Variants in LHFPL3 observed in about 807,000 individuals in gnomAD.
LHFPL3 encodes the protein LHFPL tetraspan subfamily member 3, also known as LHFPL tetraspan subfamily member 3 protein.
A neutral mutation model predicts 19.3 loss-of-function variants in LHFPL3; 5 were observed. The ratio of observed to expected loss-of-function variants is 0.26; its 90% CI spans 0.14 to 0.54. The LOEUF is 0.54. LHFPL3 is among the 20% of genes least tolerant of loss of function. LHFPL3 has a pLI of 0.94. For missense variants in LHFPL3, 249 were observed against 307.4 expected (o/e 0.81, Z 1.42); for synonymous variants, 133 against 126.2 (o/e 1.05, Z -0.36).
chr7:104,618,166 A>G (rs1791383260), intron 1 of LHFPL3, among the ~76,000 whole-genome samples: 1 of 152,228 alleles, frequency 6.6e-6, no homozygotes, highest in Non-Finnish European at 1.5e-5. Context: ...CCTTACTGCA[A>G]TGTGCAATAC....
chr7:104,510,591 AATC>A (rs1257643886), intron 1 of LHFPL3, among the ~76,000 whole-genome samples: 2 of 152,160 alleles, frequency 1.3e-5, no homozygotes, highest in Non-Finnish European at 2.9e-5. Flanking sequence ...TTTAGAATAA[AATC>A]ATAGTGAAAA....
At chr7:104,499,992 A>G (rs1035896593) in intron 1 of LHFPL3, among the ~76,000 whole-genome samples, 1 of 152,226 alleles carries the variant, frequency 6.6e-6, no homozygotes, top group Non-Finnish European at 1.5e-5. Context: ...CTTTAACGTA[A>G]GACTGAGTCA....
intron 2 of LHFPL3, among the ~76,000 whole-genome samples, chr7:104,841,036 C>G (rs1011183636): frequency 1.3e-5 from 2 of 152,042 alleles, no homozygotes; most frequent in Non-Finnish European, 2.9e-5. Flanking sequence ...CCAGTAGGAG[C>G]AATAATGGTA....
chr7:104,906,154 C>A (rs755700951), intron 2 of LHFPL3, 33 bp from the exon 3 acceptor site: 1 of 1,603,790 alleles, frequency 6.2e-7, no homozygotes, highest in South Asian at 1.1e-5. Context: ...CTCCCCCCAC[C>A]CTTTTTCTCT....
chr7:104,408,956 C>T (rs1172883359), intron 1 of LHFPL3, among the ~76,000 whole-genome samples: 4 of 148,694 alleles, frequency 2.7e-5, no homozygotes, highest in Non-Finnish European at 4.4e-5. Flanking sequence ...GCTCCGCCTC[C>T]GGGGCTCATG....
chr7:104,577,991 T>G (rs929760670), intron 1 of LHFPL3, among the ~76,000 whole-genome samples: 4 of 152,224 alleles, frequency 2.6e-5, no homozygotes, highest in African/African-American at 9.6e-5. Context: ...AAGGAAATTC[T>G]GTCGGTTTAT....
rs528926693 is a variant in LHFPL3, at chr7:104,846,912, T to C, written c.683-59275T>C. The stretch of plus-strand genomic sequence containing the variant: ...CTGAGTAACCTCAGGCTGTTTTTCA[T>C]GCAGTTTCCTCTCAGCAATATTCAT... On this transcript the variant is annotated intron_variant, in intron 2 of 2. Transcript: ENST00000424859. Among the ~76,000 whole-genome samples, 24 of 152,340 alleles carry C rather than the reference T, an allele frequency of 1.6e-4. No homozygotes were observed. The South Asian group carries it at 4.6e-3, about 29-fold the overall frequency.
At chr7:104,901,860 C>G (rs575103971) in intron 2 of LHFPL3, among the ~76,000 whole-genome samples, 265 of 152,206 alleles carry the variant, frequency 1.7e-3, no homozygotes, top group Non-Finnish European at 2.4e-3. Flanking sequence ...TGAGCCACCA[C>G]GACTGGCCCT....
intron 1 of LHFPL3, chr7:104,668,659 G>T (rs543788222): frequency 6.2e-7 from 1 of 1,612,114 alleles, no homozygotes; most frequent in African/African-American, 1.3e-5. Flanking sequence ...CGGGATGATC[G>T]GTCGTGGAGC....
chr7:104,527,586 T>G (rs1268781039), intron 1 of LHFPL3, among the ~76,000 whole-genome samples: 1 of 152,070 alleles, frequency 6.6e-6, no homozygotes, highest in South Asian at 2.1e-4. Context: ...AATTGGACAA[T>G]AGGTCAGTTC....
chr7:104,805,574 C>T (rs977727098), intron 2 of LHFPL3, among the ~76,000 whole-genome samples: 8 of 152,180 alleles, frequency 5.3e-5, no homozygotes, highest in Non-Finnish European at 1.2e-4. Context: ...TCGTTCACCC[C>T]TTCCAGGGTG....
intron 1 of LHFPL3, among the ~76,000 whole-genome samples, chr7:104,595,351 G>A (rs1790826382): frequency 6.6e-6 from 1 of 152,210 alleles, no homozygotes; most frequent in Non-Finnish European, 1.5e-5. Flanking sequence ...GACCCTGTTT[G>A]CCTGGGTATT....
At chr7:104,804,099 T>C (rs1790307844) in intron 2 of LHFPL3, 1 of 152,244 alleles carries the variant, frequency 6.6e-6, no homozygotes, top group South Asian at 2.1e-4. Flanking sequence ...AGATCCTCTC[T>C]AGTTTTAAGT....
At chr7:104,559,695 T>G (rs930832295) in intron 1 of LHFPL3, among the ~76,000 whole-genome samples, 4 of 152,156 alleles carry the variant, frequency 2.6e-5, no homozygotes, top group Non-Finnish European at 2.9e-5. Context: ...CTAATTGCCC[T>G]GGCCAGAACT....
chr7:104,334,201 G>A lies in LHFPL3; in HGVS notation c.445+4977G>A, dbSNP rs1239727959. Among the ~76,000 whole-genome samples the A allele has an allele frequency of 2.0e-5, 3 of 152,248 alleles. No homozygotes were observed. The South Asian group carries it at 6.2e-4, about 32-fold the overall frequency. On this transcript the variant is annotated intron_variant, in intron 1 of 2. Transcript: ENST00000424859. ...TAATTTTTCATTGAGTTAATAAATT[G>A]AAAAATAATGAATAATCGGGTGAAG...
intron 1 of LHFPL3, among the ~76,000 whole-genome samples, chr7:104,558,955 G>C (rs1421858659): frequency 1.3e-5 from 2 of 148,396 alleles, no homozygotes; most frequent in African/African-American, 2.5e-5. Flanking sequence ...CCCATTGCTT[G>C]TTTTTGTCAG....
At chr7:104,374,726 C>G (rs1197824743) in intron 1 of LHFPL3, among the ~76,000 whole-genome samples, 2 of 152,056 alleles carry the variant, frequency 1.3e-5, no homozygotes, top group Non-Finnish European at 2.9e-5. Context: ...CTGTGGTTGG[C>G]ATCAAAGGGA....
chr7:104,613,903 T>G (rs968557211), intron 1 of LHFPL3, among the ~76,000 whole-genome samples: 3 of 151,286 alleles, frequency 2.0e-5, no homozygotes, highest in Admixed American at 2.0e-4. Flanking sequence ...AGTGGGGAGG[T>G]TGGTCAGTGT....
At chr7:104,628,846 G>A (rs1403179892) in intron 1 of LHFPL3, among the ~76,000 whole-genome samples, 1 of 152,066 alleles carries the variant, frequency 6.6e-6, no homozygotes, top group Non-Finnish European at 1.5e-5. Context: ...TGGACATTTA[G>A]GCTATAATTT....
Sources: allele counts gnomAD v4.1 joint callset (sites outside exome capture counted in the v4.1 genomes callset), GRCh38; gene constraint gnomAD v4.1.1; transcripts MANE v1.5; gene names NCBI Gene and HGNC (gene_info 2026-07-23, HGNC 2026-07-21).